Variants in CGNL1 observed in about 807,000 individuals in gnomAD.
The protein encoded by CGNL1 is cingulin-like protein 1.
Under a neutral mutation model 141.2 loss-of-function variants are expected in CGNL1, and 132 were observed. That is an observed-to-expected ratio of 0.93 (90% CI 0.81 to 1.08). The LOEUF is 1.08. Ranked by LOEUF, CGNL1 falls within the 50% of genes least tolerant of loss-of-function variation. CGNL1 has a pLI of 0.00. For missense variants in CGNL1, 1,870 were observed against 1,588.6 expected (o/e 1.18, Z -3.01); for synonymous variants, 690 against 622.1 (o/e 1.11, Z -1.63).
chr15:57,511,863 A>C (rs991244084), intron 8 of CGNL1, among the ~76,000 whole-genome samples: 1 of 152,246 alleles, frequency 6.6e-6, no homozygotes, highest in African/African-American at 2.4e-5. Flanking sequence ...CTTTTAAAAC[A>C]AGACATCACG....
At chr15:57,486,607 TCAAGGGTGACCTTCAG>T (rs2063788814) in intron 8 of CGNL1, among the ~76,000 whole-genome samples, 2 of 152,318 alleles carry the variant, frequency 1.3e-5, no homozygotes, top group South Asian at 4.1e-4. Context: ...GAACAGCTTG[TCAAGGGTGACCTTCAG>T]CTTTTACGTT....
At chr15:57,461,312 C>T (rs1264843572) in intron 7 of CGNL1, among the ~76,000 whole-genome samples, 1 of 152,098 alleles carries the variant, frequency 6.6e-6, no homozygotes, top group African/African-American at 2.4e-5. Flanking sequence ...CTGGCGTGCC[C>T]CCGTGAAGCA....
intron 8 of CGNL1, among the ~76,000 whole-genome samples, chr15:57,476,638 C>T (rs1167868295): frequency 6.6e-6 from 1 of 152,126 alleles, no homozygotes; most frequent in Non-Finnish European, 1.5e-5. Flanking sequence ...CATGTGTTCA[C>T]GGTGACCACA....
At chr15:57,455,046 A>G (rs2063362999) in intron 7 of CGNL1, among the ~76,000 whole-genome samples, 2 of 152,294 alleles carry the variant, frequency 1.3e-5, no homozygotes, top group South Asian at 4.1e-4. Context: ...TAATGTCCCT[A>G]CAGTTTTGAT....
intron 8 of CGNL1, among the ~76,000 whole-genome samples, chr15:57,481,655 T>A (rs116664346): frequency 0.013 from 1,968 of 152,326 alleles, 21 homozygotes; most frequent in Middle Eastern, 0.041. Context: ...AACACAGCTT[T>A]TTGTGTGAAT....
chr15:57,468,588 G>A (rs2063541278), intron 8 of CGNL1, among the ~76,000 whole-genome samples: 2 of 146,268 alleles, frequency 1.4e-5, no homozygotes, highest in African/African-American at 5.0e-5. Flanking sequence ...GTGTGTGTGT[G>A]TGTTAAAGAA....
intron 1 of CGNL1, among the ~76,000 whole-genome samples, chr15:57,411,115 T>C (rs2062781723): frequency 6.6e-6 from 1 of 152,248 alleles, no homozygotes; most frequent in South Asian, 2.1e-4. Flanking sequence ...AATATCAAAA[T>C]ATGACTAAAG....
chr15:57,445,297 T>C (rs571604086), intron 4 of CGNL1, among the ~76,000 whole-genome samples: 172 of 152,200 alleles, frequency 1.1e-3, no homozygotes, highest in Non-Finnish European at 2.1e-3. Context: ...AATCAAGAGA[T>C]GATGAGAAAA....
At chr15:57,495,902 A>G (rs1260668292) in intron 8 of CGNL1, among the ~76,000 whole-genome samples, 2 of 133,820 alleles carry the variant, frequency 1.5e-5, no homozygotes, top group Non-Finnish European at 1.6e-5. Context: ...TTGGAAGCAC[A>G]TAAAGCAACT....
chr15:57,405,287 A>G (rs1193732179), intron 1 of CGNL1: 1 of 152,198 alleles, frequency 6.6e-6, no homozygotes, highest in Non-Finnish European at 1.5e-5. Context: ...GATGACGTTA[A>G]CATATCATTG....
chr15:57,480,579 C>T (rs1280382), intron 8 of CGNL1, among the ~76,000 whole-genome samples: 152,334 of 152,368 alleles, frequency 1, 76,150 homozygotes, highest in Non-Finnish European at 1. Context: ...AAGTTACAAC[C>T]ATCATTTGTC....
intron 1 of CGNL1, chr15:57,394,105 G>GTTTTTTTTTTTTTTTTTTTTTTTTTTTT (rs1491022136): frequency 3.5e-5 from 1 of 28,660 alleles, no homozygotes; most frequent in African/African-American, 8.9e-5. Context: ...ATTTCTGTTT[G>GTTTTTTTTTTTTTTTTTTTTTTTTTTTT]TTTTTTTTTT....
At chr15:57,532,048 A>G (rs916372767) in intron 14 of CGNL1, among the ~76,000 whole-genome samples, 30 of 152,144 alleles carry the variant, frequency 2.0e-4, no homozygotes, top group African/African-American at 7.0e-4. Context: ...TTTTGATTTC[A>G]TCTTTTTCAT....
At chr15:57,470,256 C>CCTTT (rs2063563834) in intron 8 of CGNL1, among the ~76,000 whole-genome samples, 1 of 113,996 alleles carries the variant, frequency 8.8e-6, no homozygotes, top group African/African-American at 3.5e-5. Context: ...TTTTGTCTCT[C>CCTTT]TTTTTTTTTT....
intron 1 of CGNL1, among the ~76,000 whole-genome samples, chr15:57,434,684 A>C (rs1567113639): frequency 1.3e-5 from 2 of 152,220 alleles, no homozygotes; most frequent in Non-Finnish European, 2.9e-5. Flanking sequence ...TGAGCTTCAG[A>C]ATTCTTAAAA....
At position 57,547,677 on chromosome 15, in the gene CGNL1, T is replaced by A. The variant is rs2032942313; in HGVS notation, c.*187T>A. The A allele has an allele frequency of 1.7e-6, 1 of 604,868 alleles. No homozygotes were observed. 37.5% of individuals were successfully genotyped at this position (604,868 alleles called of 1,614,324 possible). On this transcript the variant is annotated 3_prime_UTR_variant, in exon 19 of 19. Transcript: ENST00000281282. ...CAGTGGGTCTTCGACAGAGAGCTTT[T>A]GCAGTTTAAAATGTTGGGATGCCTG...
chr15:57,540,583 C>T (rs1405974713), intron 14 of CGNL1, among the ~76,000 whole-genome samples: 3 of 152,114 alleles, frequency 2.0e-5, no homozygotes, highest in Non-Finnish European at 4.4e-5. Flanking sequence ...CTTTTTTCTA[C>T]CCTGTCTATC....
chr15:57,522,143 C>T (rs536954017), intron 10 of CGNL1, among the ~76,000 whole-genome samples: 10 of 152,312 alleles, frequency 6.6e-5, no homozygotes, highest in Non-Finnish European at 1.5e-4. Context: ...TTCTGATTAC[C>T]TTTCTTTTTG....
At chr15:57,482,656 A>G (rs779507931) in intron 8 of CGNL1, among the ~76,000 whole-genome samples, 1 of 152,132 alleles carries the variant, frequency 6.6e-6, no homozygotes, top group Non-Finnish European at 1.5e-5. Flanking sequence ...CTATCCCTCT[A>G]CCAGTATCAC....
Sources: gnomAD v4.1 joint callset for allele counts (sites outside exome capture counted in the v4.1 genomes callset) on GRCh38, gnomAD v4.1.1 for gene constraint, MANE v1.5 for transcripts, NCBI Gene and HGNC (gene_info 2026-07-23, HGNC 2026-07-21) for gene names.